ATP1A4: variants seen among roughly 807,000 people sequenced by gnomAD.
ATP1A4 encodes the protein sodium/potassium-transporting ATPase subunit alpha-4.
In ATP1A4, 90 loss-of-function variants were observed where a neutral mutation model predicts 114.3. That is an observed-to-expected ratio of 0.79 (90% CI 0.66 to 0.94). ATP1A4 has a LOEUF of 0.94. ATP1A4 is among the 40% of genes least tolerant of loss of function. The probability of loss-of-function intolerance (pLI) is 0.00; values close to 1 mark genes in which losing one functional copy is unlikely to be tolerated. For synonymous variants in ATP1A4, 511 were observed against 494.1 expected (o/e 1.03, Z -0.45); for missense variants, 1,222 against 1,313.6 (o/e 0.93, Z 1.08).
rs1558021555 is a variant in ATP1A4 at position 160,167,071 on chromosome 1, T to C, written c.1350T>C (p.Ile450=). The stretch of plus-strand genomic sequence containing the variant: ...AGGCTAATCAGGAGATCCTGCCCAT[T>C]GCTAAGGTGTCAGGCCCAAGGGGAA... ...DFKANQEILP[I]AKRATTGDAS... The change falls in exon 9 of 22, where the codon ATT becomes ATC. Residue 450 remains isoleucine (I), a synonymous_variant. Coordinates refer to ENST00000368081, the MANE Select transcript of ATP1A4 (RefSeq NM_144699.4). The C allele has an allele frequency of 6.2e-7, 1 of 1,613,946 alleles. No individual in the cohort carries two copies. Among genetic ancestry groups the C allele is most frequent in the East Asian group, 2.2e-5 (1 of 44,874 alleles).
chr1:160,176,012 T>C, intron 15 of ATP1A4, 80 bp from the exon 16 acceptor site: 2 of 1,432,598 alleles, frequency 1.4e-6, no homozygotes, highest in Non-Finnish European at 2.0e-6. Context: ...TTCTTTGAGG[T>C]GGCCTGTCTG....
Position 160,166,736 on chromosome 1 carries a change from G to C in ATP1A4, c.1246+10G>C. On this transcript the variant is annotated intron_variant, in intron 8 of 21. Coordinates refer to ENST00000368081, the MANE Select transcript of ATP1A4 (RefSeq NM_144699.4). ...ACTGAAGAACAGACTGGTGACTAGT[G>C]GTATTGGTGGAACAAGAGTGGAGGG... 1 of 1,614,162 alleles carries C rather than the reference G, an allele frequency of 6.2e-7. No homozygotes were observed. Among genetic ancestry groups the C allele is most frequent in the Non-Finnish European group, 8.5e-7 (1 of 1,180,014 alleles).
intron 18 of ATP1A4, 91 bp from the exon 19 acceptor site, chr1:160,181,593 C>A (rs1376221903): frequency 4.1e-6 from 6 of 1,459,884 alleles, no homozygotes; most frequent in Non-Finnish European, 5.6e-6. Context: ...CTGACTCAGC[C>A]CAGGGGTCCT....
intron 18 of ATP1A4, among the ~76,000 whole-genome samples, 167 bp from the exon 19 acceptor site, chr1:160,181,517 T>C (rs1207848360): frequency 2.0e-5 from 3 of 149,400 alleles, no homozygotes; most frequent in Non-Finnish European, 4.4e-5. Context: ...ACCACACCAT[T>C]GCACTCCAGC....
At chr1:160,163,905 C>T (rs1356394962) in intron 6 of ATP1A4, among the ~76,000 whole-genome samples, 1 of 152,086 alleles carries the variant, frequency 6.6e-6, no homozygotes, top group Non-Finnish European at 1.5e-5. Flanking sequence ...ATACTCCTAT[C>T]ACCCAGGAAA....
At chr1:160,169,675 G>C (rs577904566) in intron 10 of ATP1A4, 1 of 152,150 alleles carries the variant, frequency 6.6e-6, no homozygotes, top group Non-Finnish European at 1.5e-5. Context: ...CTCAACAGGC[G>C]ACCTAGCGGG....
At chr1:160,158,535 C>A (rs1456522805) in intron 4 of ATP1A4, among the ~76,000 whole-genome samples, 1 of 152,098 alleles carries the variant, frequency 6.6e-6, no homozygotes, top group Non-Finnish European at 1.5e-5. Context: ...TGCCACCACA[C>A]CTGGCTAATT....
In ATP1A4 at chr1:160,174,725, C is replaced by A. The variant is rs1653400201; in HGVS notation, c.2289C>A (p.Ser763=). Residue 763 remains serine, a synonymous_variant, in exon 15 of 22, where the codon TCC becomes TCA. Transcript: ENST00000368081. ...TCCTGCTGGATGACAACTTTGCCTC[C>A]ATCGTCACGGGGGTGGAGGAGGGTG... is the stretch of plus-strand genomic sequence containing the variant. ...DMILLDDNFA[S]IVTGVEEGRL... is the part of the protein sequence containing the mutation. 2 of 1,614,178 alleles carry A rather than the reference C, an allele frequency of 1.2e-6. No homozygotes were observed. Among genetic ancestry groups the A allele is most frequent in the Middle Eastern group, 1.7e-4 (1 of 6,056 alleles).
intron 18 of ATP1A4, among the ~76,000 whole-genome samples, chr1:160,181,107 C>T (rs925385293): frequency 3.9e-5 from 6 of 152,238 alleles, no homozygotes; most frequent in Non-Finnish European, 8.8e-5. Flanking sequence ...TGCCATCCAC[C>T]GAACTAAGCA....
chr1:160,165,725 A>G (rs1353523736), intron 7 of ATP1A4, among the ~76,000 whole-genome samples: 2 of 152,180 alleles, frequency 1.3e-5, no homozygotes, highest in African/African-American at 2.4e-5. Flanking sequence ...ATCACGCCAC[A>G]GAATGAGACT....
In ATP1A4 at chr1:160,156,107, G is replaced by A. The variant is rs762777345; in HGVS notation, c.474G>A (p.Gln158=). 8 of 1,614,032 alleles carry A rather than the reference G, an allele frequency of 5.0e-6. No individual in the cohort carries two copies. The highest frequency in any genetic ancestry group is 1.7e-5 in the Admixed American group (1 of 60,014). Residue 158 remains glutamine (Q), a synonymous_variant, in exon 4 of 22, where the codon CAG becomes CAA. Transcript: ENST00000368081. The stretch of plus-strand genomic sequence containing the variant: ...TCACTGGCTGCTTCTCCTATTATCA[G>A]GAGGCCAAGAGCTCCAAGATCATGG... ...VIVTGCFSYY[Q]EAKSSKIMES...
At chr1:160,159,951 A>G (rs1366665406) in intron 6 of ATP1A4, among the ~76,000 whole-genome samples, 1 of 152,184 alleles carries the variant, frequency 6.6e-6, no homozygotes, top group African/African-American at 2.4e-5. Context: ...TATCCAAGAG[A>G]AGATATTGGC....
rs149462135 is a variant in ATP1A4 at position 160,166,640 on chromosome 1, G to A, written c.1160G>A (p.Gly387Asp). 9.3e-4 allele frequency: 1,506 copies of A among 1,614,172 alleles called. 4 individuals are homozygous for A. The highest frequency in any genetic ancestry group is 1.3e-3 in the Middle Eastern group (8 of 6,062). The change falls in exon 8 of 22, where the codon GGC becomes GAC. Residue 387 changes from glycine to aspartate, a missense_variant. Physicochemically the swap from Gly to Asp is moderately conservative, Grantham distance 94. Coordinates refer to ENST00000368081, the MANE Select transcript of ATP1A4 (RefSeq NM_144699.4). ...TCCACCATCTGCTCAGACAAGACGG[G>A]CACCCTCACCCAGAACCGCATGACC... ...STSTICSDKT[G>D]TLTQNRMTVA...
intron 1 of ATP1A4, 77 bp from the exon 2 acceptor site, chr1:160,153,088 C>A: frequency 8.4e-7 from 1 of 1,185,514 alleles, no homozygotes; most frequent in South Asian, 1.2e-5. Flanking sequence ...CTAACATTCT[C>A]CAGTCTGTTT....
In ATP1A4 at chr1:160,171,298, G is replaced by A. The variant is rs1653245578; in HGVS notation, c.1539G>A (p.Met513Ile). 6.2e-7 allele frequency: 1 copy of A among 1,613,938 alleles called. No individual in the cohort carries two copies. The highest frequency in any genetic ancestry group is 1.1e-5 in the South Asian group (1 of 91,078). The change falls in exon 11 of 22, where the codon ATG becomes ATA. Residue 513 changes from methionine to isoleucine, a missense_variant. Coordinates refer to ENST00000368081, the MANE Select transcript of ATP1A4 (RefSeq NM_144699.4). ...REDSSQTHVL[M>I]MKGAPERILE... ...ACAGCTCCCAGACCCACGTACTGAT[G>A]ATGAAGGGTGCTCCGGAGAGGATCT...
intron 2 of ATP1A4, among the ~76,000 whole-genome samples, chr1:160,154,624 C>T (rs775311084): frequency 1.3e-5 from 2 of 152,080 alleles, no homozygotes; most frequent in African/African-American, 2.4e-5. Flanking sequence ...GTTGGAGAGT[C>T]AAAGCGTGGT....
Position 160,171,011 on chromosome 1 carries a change from G to A in ATP1A4, c.1492-240G>A, listed in dbSNP as rs904437888. 2.0e-5 allele frequency: 8 copies of A among 393,522 alleles called. No individual in the cohort carries two copies. In the South Asian group the frequency reaches 4.9e-4, roughly 24 times the overall value. 24.4% of individuals were successfully genotyped at this position (393,522 alleles called of 1,614,324 possible). On this transcript the variant is annotated intron_variant, in intron 10 of 21. Transcript: ENST00000368081. ...TGAGAGTGCCTGGTTCTGCCCCCAG[G>A]GAGCTTCAGGCTGAGAAGATAATGG...
chr1:160,171,477 A>G (rs529920054), intron 11 of ATP1A4, 37 bp downstream of exon 11: 2 of 1,609,238 alleles, frequency 1.2e-6, no homozygotes, highest in Admixed American at 3.3e-5. Flanking sequence ...AAAGAATGGC[A>G]TCAAAATGGT....
intron 7 of ATP1A4, among the ~76,000 whole-genome samples, chr1:160,165,092 C>T (rs950946408): frequency 6.6e-6 from 1 of 152,074 alleles, no homozygotes; most frequent in Non-Finnish European, 1.5e-5. Flanking sequence ...TGAAATAATC[C>T]CTCTTCCCTT....
Sources: allele counts gnomAD v4.1 joint callset (sites outside exome capture counted in the v4.1 genomes callset), GRCh38; gene constraint gnomAD v4.1.1; transcripts MANE v1.5; gene names NCBI Gene and HGNC (gene_info 2026-07-23, HGNC 2026-07-21).